ACOXL: variants seen among roughly 807,000 people sequenced by gnomAD.
The protein encoded by ACOXL is acyl-coenzyme A oxidase-like protein.
A neutral mutation model predicts 71.9 loss-of-function variants in ACOXL; 70 were observed. The ratio of observed to expected loss-of-function variants is 0.97; its 90% CI spans 0.80 to 1.19. The LOEUF is 1.19. ACOXL is among the 50% of genes most tolerant of loss of function. The probability of loss-of-function intolerance (pLI) is 0.00; values close to 1 mark genes in which losing one functional copy is unlikely to be tolerated. For synonymous variants in ACOXL, 253 were observed against 281.6 expected (o/e 0.90, Z 1.02); for missense variants, 703 against 736.3 (o/e 0.95, Z 0.52).
chr2:110,864,582 C>T (rs1694333400), intron 10 of ACOXL, among the ~76,000 whole-genome samples: 1 of 152,200 alleles, frequency 6.6e-6, no homozygotes, highest in Non-Finnish European at 1.5e-5. Context: ...TTATATCTTA[C>T]CTCTTATATT....
intron 2 of ACOXL, among the ~76,000 whole-genome samples, chr2:110,769,348 A>G (rs1238959322): frequency 6.6e-6 from 1 of 152,186 alleles, no homozygotes; most frequent in African/African-American, 2.4e-5. Flanking sequence ...CATGGTATAT[A>G]GGAAAAAATA....
chr2:110,875,779 A>G (rs1180990872), intron 10 of ACOXL, among the ~76,000 whole-genome samples: 2 of 152,062 alleles, frequency 1.3e-5, no homozygotes, highest in Admixed American at 1.3e-4. Context: ...TCATTTGTCA[A>G]ATGAGGATTG....
chr2:110,866,746 CACGA>C (rs1308749224), intron 10 of ACOXL, among the ~76,000 whole-genome samples: 20 of 152,138 alleles, frequency 1.3e-4, no homozygotes, highest in African/African-American at 4.8e-4. Flanking sequence ...CTCACCCGTT[CACGA>C]AATCACTCAC....
intron 10 of ACOXL, among the ~76,000 whole-genome samples, chr2:110,855,515 C>T (rs368405224): frequency 1.1e-3 from 160 of 152,286 alleles, no homozygotes; most frequent in African/African-American, 3.6e-3. Flanking sequence ...AGCAACTTTA[C>T]AGGAGAAGAT....
At position 110,969,668 on chromosome 2, in the gene ACOXL, G is replaced by A. The variant is rs182637292; in HGVS notation, c.1060-17440G>A. On this transcript the variant is annotated intron_variant, in intron 12 of 17. Transcript: ENST00000439055. The stretch of plus-strand genomic sequence containing the variant: ...TCTACTAAAAATACAAAAATTAGCC[G>A]GGTGTGATGGTGCACATCTGTAATC... Among the ~76,000 whole-genome samples the A allele has an allele frequency of 2.9e-3, 435 of 151,994 alleles. 1 individual carries two copies. Among genetic ancestry groups the A allele is most frequent in the African/African-American group, 9.9e-3 (410 of 41,448 alleles).
At chr2:111,017,803 G>C (rs993016200) in intron 14 of ACOXL, 1 of 152,262 alleles carries the variant, frequency 6.6e-6, no homozygotes. Flanking sequence ...TGGGCAGTTA[G>C]GTAGTGTGGT....
At chr2:110,825,754 A>G (rs1689092830) in intron 9 of ACOXL, among the ~76,000 whole-genome samples, 1 of 152,108 alleles carries the variant, frequency 6.6e-6, no homozygotes, top group South Asian at 2.1e-4. Flanking sequence ...CTTGTACCCC[A>G]TGCAATGCTT....
At chr2:110,899,604 T>C (rs2059146236) in intron 10 of ACOXL, among the ~76,000 whole-genome samples, 1 of 152,204 alleles carries the variant, frequency 6.6e-6, no homozygotes, top group Non-Finnish European at 1.5e-5. Flanking sequence ...AAGGTGTTTC[T>C]TCATGCAATT....
chr2:110,736,764 C>T (rs1676907267), intron 1 of ACOXL, among the ~76,000 whole-genome samples: 1 of 152,178 alleles, frequency 6.6e-6, no homozygotes, highest in South Asian at 2.1e-4. Context: ...GGACTACAGG[C>T]ACCCACCACC....
rs1026154572 is a variant in ACOXL, at chr2:110,818,802, C to T, written c.753+13407C>T. The stretch of plus-strand genomic sequence containing the variant: ...TTTCAGTCCTATTGGAAAAGCAGAG[C>T]GTAAACCTGAAATGATTTCAGGTGC... On this transcript the variant is annotated intron_variant, in intron 9 of 17. Coordinates refer to ENST00000439055, the MANE Select transcript of ACOXL (RefSeq NM_001142807.4). Among the ~76,000 whole-genome samples the T allele has an allele frequency of 5.9e-5, 9 of 152,092 alleles. No homozygotes were observed. The South Asian group carries it at 6.2e-4, about 11-fold the overall frequency.
chr2:110,753,558 G>C (rs1193469178), intron 1 of ACOXL, among the ~76,000 whole-genome samples: 4 of 152,202 alleles, frequency 2.6e-5, no homozygotes, highest in African/African-American at 9.7e-5. Context: ...TCAGCAGTAT[G>C]TTCCTTTTTA....
intron 16 of ACOXL, among the ~76,000 whole-genome samples, chr2:111,064,960 T>A (rs2066993702): frequency 6.6e-6 from 1 of 152,242 alleles, no homozygotes; most frequent in African/African-American, 2.4e-5. Context: ...TAACCTAATT[T>A]TTATCAAAAT....
intron 17 of ACOXL, among the ~76,000 whole-genome samples, chr2:111,115,844 G>A (rs1271098125): frequency 6.6e-6 from 1 of 152,216 alleles, no homozygotes; most frequent in Admixed American, 6.5e-5. Flanking sequence ...GAACACTTAT[G>A]AGTGAAGAAA....
At chr2:110,874,935 T>A (rs1695722281) in intron 10 of ACOXL, among the ~76,000 whole-genome samples, 1 of 152,146 alleles carries the variant, frequency 6.6e-6, no homozygotes, top group Admixed American at 6.5e-5. Flanking sequence ...GGTCTCTCTC[T>A]CCTGTGTTAT....
chr2:111,088,489 G>T (rs931001468), intron 16 of ACOXL, among the ~76,000 whole-genome samples: 1 of 152,160 alleles, frequency 6.6e-6, no homozygotes, highest in Non-Finnish European at 1.5e-5. Context: ...CAGGAACATG[G>T]ATAGAACTGG....
At chr2:110,807,068 G>T (rs1369056598) in intron 9 of ACOXL, among the ~76,000 whole-genome samples, 1 of 152,212 alleles carries the variant, frequency 6.6e-6, no homozygotes, top group African/African-American at 2.4e-5. Context: ...CCCCTGCCAG[G>T]CCCAGGAGGG....
intron 10 of ACOXL, among the ~76,000 whole-genome samples, chr2:110,881,935 A>G (rs939397051): frequency 2.6e-5 from 4 of 151,992 alleles, no homozygotes; most frequent in African/African-American, 9.7e-5. Context: ...GCTGCTATGA[A>G]CATTTGCATA....
At chr2:110,763,527 C>T (rs1247704128) in intron 1 of ACOXL, among the ~76,000 whole-genome samples, 2 of 152,158 alleles carry the variant, frequency 1.3e-5, no homozygotes, top group Non-Finnish European at 2.9e-5. Flanking sequence ...ACCTTACACC[C>T]TTCACAGAAA....
chr2:111,008,030 C>G (rs192036146), intron 14 of ACOXL, among the ~76,000 whole-genome samples: 2 of 152,228 alleles, frequency 1.3e-5, no homozygotes, highest in Non-Finnish European at 2.9e-5. Context: ...AACTCATACC[C>G]TGGTGAGAGA....
Sources: gnomAD v4.1 joint callset for allele counts (sites outside exome capture counted in the v4.1 genomes callset) on GRCh38, gnomAD v4.1.1 for gene constraint, MANE v1.5 for transcripts, NCBI Gene and HGNC (gene_info 2026-07-23, HGNC 2026-07-21) for gene names.